Variants in CABIN1 observed in about 807,000 individuals in gnomAD.
CABIN1 encodes the protein calcineurin-binding protein cabin-1.
A neutral mutation model predicts 227.7 loss-of-function variants in CABIN1; 133 were observed. That is an observed-to-expected ratio of 0.58 (90% CI 0.51 to 0.67). The LOEUF is 0.67. Ranked by LOEUF, CABIN1 falls within the 30% of genes least tolerant of loss-of-function variation. The pLI is 0.00. For synonymous variants in CABIN1, 1,086 were observed against 1,155.1 expected (o/e 0.94, Z 1.21); for missense variants, 2,408 against 2,852.5 (o/e 0.84, Z 3.55).
At chr22:24,015,583 A>T (rs2035216943) in intron 1 of CABIN1, among the ~76,000 whole-genome samples, 1 of 151,454 alleles carries the variant, frequency 6.6e-6, no homozygotes, top group African/African-American at 2.4e-5. Flanking sequence ...TGACCTTGTG[A>T]TCCGCCCGCC....
chr22:24,171,955 C>A lies in CABIN1; in HGVS notation c.6000C>A (p.His2000Gln). ...AGGACCCTGGGCCTCCCCGGCCACA[C>A]AGGCCTGAAGCTACCCCCAGCATGG... is the stretch of plus-strand genomic sequence containing the variant. ...QSKDPGPPRP[H>Q]RPEATPSMAS... The change falls in exon 34 of 37, where the codon CAC becomes CAA. Residue 2000 changes from histidine (H) to glutamine (Q), a missense_variant. Physicochemically the swap from His to Gln is conservative, Grantham distance 24. Coordinates refer to ENST00000263119, the MANE Select transcript of CABIN1 (RefSeq NM_012295.4). 1.2e-6 allele frequency: 2 copies of A among 1,613,480 alleles called. No homozygotes were observed. Among genetic ancestry groups the A allele is most frequent in the Non-Finnish European group, 8.5e-7 (1 of 1,180,028 alleles).
chr22:24,132,069 A>C (rs1436405468), intron 28 of CABIN1, among the ~76,000 whole-genome samples: 1 of 152,030 alleles, frequency 6.6e-6, no homozygotes, highest in African/African-American at 2.4e-5. Flanking sequence ...CTCCAAAAAA[A>C]AAAAAAAAAA....
At chr22:24,098,835 A>G (rs781494006) in intron 26 of CABIN1, among the ~76,000 whole-genome samples, 9 of 152,164 alleles carry the variant, frequency 5.9e-5, no homozygotes, top group Non-Finnish European at 1.3e-4. Context: ...GCTAGTGACA[A>G]AGTACTTGCT....
chr22:24,088,708 C>T (rs1383589591), intron 23 of CABIN1, among the ~76,000 whole-genome samples: 3 of 152,128 alleles, frequency 2.0e-5, no homozygotes, highest in Non-Finnish European at 4.4e-5. Context: ...CTCTGGCTGC[C>T]CCTACTACCT....
At chr22:24,159,173 G>A (rs1164449441) in intron 29 of CABIN1, among the ~76,000 whole-genome samples, 1 of 152,212 alleles carries the variant, frequency 6.6e-6, no homozygotes, top group Non-Finnish European at 1.5e-5. Flanking sequence ...AGGTATAGGT[G>A]TGAGCCAGAG....
chr22:24,057,093 C>T (rs1048351685), intron 10 of CABIN1, among the ~76,000 whole-genome samples: 7 of 152,238 alleles, frequency 4.6e-5, no homozygotes, highest in East Asian at 3.9e-4. Flanking sequence ...CCTGCCACCG[C>T]GCCTGGCTAA....
chr22:24,020,524 A>C (rs778076729), intron 1 of CABIN1, among the ~76,000 whole-genome samples: 1 of 151,814 alleles, frequency 6.6e-6, no homozygotes, highest in Non-Finnish European at 1.5e-5. Context: ...AGGTCTCCCT[A>C]TGTTGCCCAG....
At chr22:24,140,643 C>T (rs1185430369) in intron 29 of CABIN1, among the ~76,000 whole-genome samples, 1 of 152,252 alleles carries the variant, frequency 6.6e-6, no homozygotes, top group African/African-American at 2.4e-5. Context: ...GATGGTTCTC[C>T]TTCCTTCCCC....
At chr22:24,022,905 CTTTT>C (rs1415852527) in intron 1 of CABIN1, among the ~76,000 whole-genome samples, 1 of 151,962 alleles carries the variant, frequency 6.6e-6, no homozygotes, top group Non-Finnish European at 1.5e-5. Flanking sequence ...TTTAATTGGT[CTTTT>C]TTTATTGTGC....
At chr22:24,052,007 C>A (rs2038373394) in intron 8 of CABIN1, among the ~76,000 whole-genome samples, 1 of 151,910 alleles carries the variant, frequency 6.6e-6, no homozygotes, top group African/African-American at 2.4e-5. Context: ...GGTGCCCTTT[C>A]TTGTATTTTG....
At chr22:24,119,784 T>C in intron 28 of CABIN1, 86 bp downstream of exon 28, 2 of 1,271,740 alleles carry the variant, frequency 1.6e-6, no homozygotes, top group South Asian at 1.2e-5. Context: ...CTAAGACAGA[T>C]TGGAGCTTCA....
At chr22:24,022,563 C>T (rs1198755904) in intron 1 of CABIN1, among the ~76,000 whole-genome samples, 1 of 152,104 alleles carries the variant, frequency 6.6e-6, no homozygotes, top group Non-Finnish European at 1.5e-5. Context: ...GAGCTGTAAA[C>T]ATTTTTATAC....
At chr22:24,051,085 A>T in intron 8 of CABIN1, 111 bp downstream of exon 8, 1 of 1,409,478 alleles carries the variant, frequency 7.1e-7, no homozygotes, top group Non-Finnish European at 9.9e-7. Flanking sequence ...GGTTGGTGGT[A>T]TGAATGGGGG....
At position 24,167,270 on chromosome 22, in the gene CABIN1, G is replaced by T. The variant is rs139783753; in HGVS notation, c.5639G>T (p.Arg1880Leu). 6.2e-7 allele frequency: 1 copy of T among 1,613,372 alleles called. No homozygotes were observed. The highest frequency in any genetic ancestry group is 8.5e-7 in the Non-Finnish European group (1 of 1,179,974). ...GQKGVAYDLG[R>L]VERIMSETYM... ...AAGGGTGTGGCCTATGACCTGGGCC[G>T]TGTGGAGAGGATCATGTCGGAGACC... Residue 1880 changes from arginine to leucine, a missense_variant, in exon 32 of 37, where the codon CGT (arginine) becomes CTT (leucine). By Grantham distance (102) the Arg-to-Leu change is moderately radical. Transcript: ENST00000263119.
chr22:24,019,001 C>G (rs971991436), intron 1 of CABIN1, among the ~76,000 whole-genome samples: 1 of 150,212 alleles, frequency 6.7e-6, no homozygotes, highest in African/African-American at 2.5e-5. Flanking sequence ...ATTTAATGAT[C>G]TTGTTGCTAT....
At chr22:24,075,737 C>G (rs1245338228) in intron 18 of CABIN1, among the ~76,000 whole-genome samples, 1 of 151,848 alleles carries the variant, frequency 6.6e-6, no homozygotes, top group Non-Finnish European at 1.5e-5. Context: ...CAGTTAGACC[C>G]TATCTCTTAA....
intron 1 of CABIN1, among the ~76,000 whole-genome samples, chr22:24,015,150 C>T (rs1170023387): frequency 1.3e-5 from 2 of 151,220 alleles, no homozygotes; most frequent in African/African-American, 4.9e-5. Flanking sequence ...CCTGTAATCC[C>T]AGCCACTTGG....
At chr22:24,121,103 CT>C (rs1315023154) in intron 28 of CABIN1, among the ~76,000 whole-genome samples, 4 of 152,222 alleles carry the variant, frequency 2.6e-5, no homozygotes, top group Admixed American at 6.5e-5. Context: ...CAGGGGTGAC[CT>C]TTAGGGCCTA....
chr22:24,143,044 G>A (rs1416816192), intron 29 of CABIN1, among the ~76,000 whole-genome samples: 1 of 152,176 alleles, frequency 6.6e-6, no homozygotes, highest in East Asian at 1.9e-4. Context: ...CAGGTCCACA[G>A]GCCAGCCTGC....
Sources: gnomAD v4.1 joint callset for allele counts (sites outside exome capture counted in the v4.1 genomes callset) on GRCh38, gnomAD v4.1.1 for gene constraint, MANE v1.5 for transcripts, NCBI Gene and HGNC (gene_info 2026-07-23, HGNC 2026-07-21) for gene names.